The following FABP7 variants were observed in gnomAD, a reference collection of about 807,000 sequenced individuals.
FABP7 encodes fatty acid binding protein 7.
In FABP7, 13 loss-of-function variants were observed where a neutral mutation model predicts 14.2. The ratio of observed to expected loss-of-function variants is 0.91; its 90% CI spans 0.59 to 1.45. The LOEUF is 1.45. FABP7 is among the 40% of genes most tolerant of loss of function. FABP7 has a pLI of 0.00. For synonymous variants in FABP7, 49 were observed against 51.4 expected, an observed-to-expected ratio of 0.95 and a Z score of 0.20; for missense variants, 149 against 157.6, an observed-to-expected ratio of 0.95 and a Z score of 0.29.
At chr6:122,768,543 G>A in the FABP7 span, among the ~76,000 whole-genome samples, 1 of 152,258 alleles carries the variant, frequency 6.6e-6, no homozygotes, top group Admixed American at 6.5e-5. Context: ...CCTTGAGTTG[G>A]AGAAAGTAAG....
At chr6:122,776,183 A>G (rs941370230), upstream of FABP7, among the ~76,000 whole-genome samples, 5 of 152,314 alleles carry the variant, frequency 3.3e-5, no homozygotes, top group African/African-American at 1.2e-4. Flanking sequence ...GTATATATCC[A>G]AAAGAAAGAA....
the FABP7 span, among the ~76,000 whole-genome samples, chr6:122,772,882 G>A: frequency 6.6e-6 from 1 of 151,986 alleles, no homozygotes; most frequent in Admixed American, 6.5e-5. Flanking sequence ...ATCCTTCCTG[G>A]GCAGGAGCTG....
chr6:122,781,007 A>C lies in FABP7; in HGVS notation c.247-86A>C, dbSNP rs1224393054. 4.8e-6 allele frequency: 7 copies of C among 1,457,060 alleles called. No individual in the cohort carries two copies. The Admixed American group carries it at 1.4e-4, about 29-fold the overall frequency. The allele number at this position is 1,457,060 out of a possible 1,614,324, so 90.3% of individuals were successfully genotyped here. ...CTGATCATGATTTATTCAATTATAC[A>C]ACTCTTTCAAAAATCACATCGTCTT... On this transcript the variant is annotated intron_variant, in intron 2 of 3. Transcript: ENST00000368444.
chr6:122,767,784 A>C, the FABP7 span, among the ~76,000 whole-genome samples: 2 of 150,528 alleles, frequency 1.3e-5, no homozygotes, highest in South Asian at 4.2e-4. Context: ...AGAGAGAGAG[A>C]GAAAAAAAGG....
chr6:122,757,767 AT>A, the FABP7 span, among the ~76,000 whole-genome samples: 4 of 152,074 alleles, frequency 2.6e-5, no homozygotes, highest in East Asian at 7.7e-4. Flanking sequence ...TTCTTTCATG[AT>A]TGGCTGGTTC....
At chr6:122,781,844 C>T (rs879448550) in intron 3 of FABP7, 6 of 470,468 alleles carry the variant, frequency 1.3e-5, no homozygotes, top group Admixed American at 1.3e-4. Flanking sequence ...TGGGCTCAAG[C>T]GATTCTACAA....
At chr6:122,783,437 A>T in intron 3 of FABP7, 1 of 985,424 alleles carries the variant, frequency 1.0e-6, no homozygotes, top group South Asian at 4.7e-5. Context: ...CATTTCTCAC[A>T]CCTGATCTGC....
chr6:122,769,712 T>G, the FABP7 span, among the ~76,000 whole-genome samples: 1 of 152,148 alleles, frequency 6.6e-6, no homozygotes. Flanking sequence ...TTCTTGAGTC[T>G]CGAATGGAGA....
the FABP7 span, among the ~76,000 whole-genome samples, chr6:122,755,409 G>C: frequency 6.7e-6 from 1 of 149,598 alleles, no homozygotes; most frequent in African/African-American, 2.5e-5. Context: ...TTATAACCTT[G>C]ATTCTTAAGT....
chr6:122,752,337 AG>A, the FABP7 span, among the ~76,000 whole-genome samples: 4 of 152,250 alleles, frequency 2.6e-5, no homozygotes, highest in African/African-American at 9.6e-5. Flanking sequence ...AAAAATAGTA[AG>A]TCCCTCAATC....
At chr6:122,771,456 A>G in the FABP7 span, among the ~76,000 whole-genome samples, 17 of 152,300 alleles carry the variant, frequency 1.1e-4, no homozygotes, top group African/African-American at 4.1e-4. Context: ...AACAAAAAAG[A>G]TCTTCAAGGA....
chr6:122,756,559 T>C, the FABP7 span, among the ~76,000 whole-genome samples: 4 of 152,234 alleles, frequency 2.6e-5, no homozygotes, highest in African/African-American at 9.6e-5. Context: ...CTCTGTTCTC[T>C]TGCTCACTGA....
At chr6:122,781,999 G>C in intron 3 of FABP7, 1 of 917,278 alleles carries the variant, frequency 1.1e-6, no homozygotes, top group Non-Finnish European at 1.3e-6. Flanking sequence ...CCCGCCTGCT[G>C]CCTCGGCCTC....
At chr6:122,767,340 A>G in the FABP7 span, among the ~76,000 whole-genome samples, 1 of 152,078 alleles carries the variant, frequency 6.6e-6, no homozygotes. Context: ...GGTTATTAGG[A>G]CTGTCATGAG....
the FABP7 span, among the ~76,000 whole-genome samples, chr6:122,752,274 C>T: frequency 1.3e-5 from 2 of 152,180 alleles, no homozygotes; most frequent in African/African-American, 4.8e-5. Context: ...TTCATCCTTG[C>T]CTGCAATCTT....
intron 3 of FABP7, chr6:122,782,884 C>T (rs12374674): frequency 0.23 from 222,391 of 985,032 alleles, 25,918 homozygotes; most frequent in Middle Eastern, 0.28. Flanking sequence ...AAAGAAAGGA[C>T]TCATTTCTAA....
chr6:122,776,474 C>T (rs1449942586), upstream of FABP7, among the ~76,000 whole-genome samples: 4 of 152,032 alleles, frequency 2.6e-5, no homozygotes, highest in South Asian at 4.1e-4. Flanking sequence ...AAATCAATCT[C>T]ATGAAAGTAG....
chr6:122,753,923 CAA>C, the FABP7 span, among the ~76,000 whole-genome samples: 1 of 152,020 alleles, frequency 6.6e-6, no homozygotes, highest in East Asian at 1.9e-4. Flanking sequence ...AAGTTGCAAA[CAA>C]AGACCAGACG....
chr6:122,755,940 C>A, the FABP7 span, among the ~76,000 whole-genome samples: 1 of 152,108 alleles, frequency 6.6e-6, no homozygotes, highest in East Asian at 1.9e-4. Flanking sequence ...AGAGTCACAG[C>A]GGCTGCAGTC....
Sources: gnomAD v4.1 joint callset for allele counts (sites outside exome capture counted in the v4.1 genomes callset) on GRCh38, gnomAD v4.1.1 for gene constraint, MANE v1.5 for transcripts, NCBI Gene and HGNC (gene_info 2026-07-23, HGNC 2026-07-21) for gene names.